ZNF641: variants seen among roughly 807,000 people sequenced by gnomAD.
The protein encoded by ZNF641 is zinc finger protein 641.
Under a neutral mutation model 46.2 loss-of-function variants are expected in ZNF641, and 26 were observed. The observed-to-expected ratio is 0.56, with a 90% CI of 0.41 to 0.78. The LOEUF is 0.78. Among genes scored for constraint, ZNF641 ranks in the 30% least tolerant of loss-of-function variants. The pLI, the probability that ZNF641 is intolerant of heterozygous loss-of-function variation, is 0.00. For synonymous variants in ZNF641, 163 were observed against 187.9 expected (o/e 0.87, Z 1.09); for missense variants, 469 against 517.8 (o/e 0.91, Z 0.91).
Position 48,339,854 on chromosome 12 carries a change from T to C in ZNF641, c.*3119A>G, listed in dbSNP as rs1051545919. On this transcript the variant is annotated 3_prime_UTR_variant, in exon 6 of 6. Transcript: ENST00000547026. The stretch of plus-strand genomic sequence containing the variant: ...TTAGAACTAAGGCGTAAAGTGTAAA[T>C]AGCCTGGTGAAAAGCTAACACTTTC... 15 of 870,514 alleles carry C rather than the reference T, an allele frequency of 1.7e-5. No individual in the cohort carries two copies. Among genetic ancestry groups the C allele is most frequent in the African/African-American group, 3.6e-5 (2 of 54,948 alleles). 53.9% of individuals were successfully genotyped at this position (870,514 alleles called of 1,614,324 possible).
chr12:48,340,370 A>G lies in ZNF641; in HGVS notation c.*2603T>C. On this transcript the variant is annotated 3_prime_UTR_variant, in exon 6 of 6. Coordinates refer to ENST00000547026, the MANE Select transcript of ZNF641 (RefSeq NM_001172681.2). ...TTAACATGTAGTTATAAGGGGCGTGATCTAATAGTAAGGAATATCACTTCC... is the reference window on the plus strand; with the variant it reads ...TTAACATGTAGTTATAAGGGGCGTGGTCTAATAGTAAGGAATATCACTTCC... 1 of 985,452 alleles carries G rather than the reference A, an allele frequency of 1.0e-6. No homozygotes were observed. The highest frequency in any genetic ancestry group is 1.2e-6 in the Non-Finnish European group (1 of 829,940). 61.0% of individuals were successfully genotyped at this position (985,452 alleles called of 1,614,324 possible). A position where few individuals can be genotyped will look rare whatever the true frequency, so the allele number is the denominator to read the frequency against.
upstream of ZNF641, chr12:48,350,925 C>T (rs904158558): frequency 4.9e-4 from 442 of 901,406 alleles, no homozygotes; most frequent in African/African-American, 1.8e-3. Flanking sequence ...CAGGCGCGGG[C>T]GGGGCGGGGC....
At chr12:48,347,839 A>T (rs902135569) in intron 2 of ZNF641, 68 bp downstream of exon 2, 2 of 1,491,514 alleles carry the variant, frequency 1.3e-6, no homozygotes, top group Non-Finnish European at 1.8e-6. Flanking sequence ...GAGATTTTTA[A>T]CCCTACTTTT....
Position 48,350,098 on chromosome 12 carries a change from G to A in ZNF641, c.-26+688C>T, listed in dbSNP as rs370757417. Reference sequence around the variant, plus strand: ...ATTCACGCAGAGCCAGCACCTGGGCGGTTAAGGTGGTAGCCCTAACCTCGT... The same window carrying A: ...ATTCACGCAGAGCCAGCACCTGGGCAGTTAAGGTGGTAGCCCTAACCTCGT... On this transcript the variant is annotated intron_variant, in intron 1 of 5. Coordinates refer to ENST00000547026, the MANE Select transcript of ZNF641 (RefSeq NM_001172681.2). The A allele has an allele frequency of 1.4e-5, 22 of 1,613,954 alleles. No individual in the cohort carries two copies. In the African/African-American group the frequency reaches 2.1e-4, roughly 16 times the overall value.
chr12:48,344,670 CCTT>C lies in ZNF641; in HGVS notation c.446_448del (p.Glu149del). On this transcript the variant is annotated inframe_deletion, in exon 5 of 6. Transcript: ENST00000547026. ...GTCAGGGACCCATTGTTCTTCTCCT[CCTT>C]CTAGTTGAGAAAGCATGTCCAGTTT... 6.2e-7 allele frequency: 1 copy of C among 1,613,406 alleles called. No homozygotes were observed.
At chr12:48,346,988 G>A (rs1377512010) in intron 3 of ZNF641, among the ~76,000 whole-genome samples, 1 of 152,128 alleles carries the variant, frequency 6.6e-6, no homozygotes, top group African/African-American at 2.4e-5. Context: ...TCCAACCAGG[G>A]CAACACAGTG....
chr12:48,341,398 C>T lies in ZNF641; in HGVS notation c.*1575G>A, dbSNP rs1004508952. 7.1e-6 allele frequency: 7 copies of T among 985,288 alleles called. No homozygotes were observed. The African/African-American group carries it at 1.2e-4, about 17-fold the overall frequency. 61.0% of individuals were successfully genotyped at this position (985,288 alleles called of 1,614,324 possible). A position where few individuals can be genotyped will look rare whatever the true frequency, so the allele number is the denominator to read the frequency against. The stretch of plus-strand genomic sequence containing the variant: ...TAACACAATTATTGATAAAGAGAAA[C>T]AATGACCAACTCATTAGCTAACGAT... On this transcript the variant is annotated 3_prime_UTR_variant, in exon 6 of 6. Transcript: ENST00000547026.
chr12:48,343,225 C>G lies in ZNF641; in HGVS notation c.1023G>C (p.Glu341Asp), dbSNP rs774180576. ...GCTGCCGTTTCCTTGTGCCAGGGCT[C>G]TCTCCAACCTCTTGGCCTTTGCAGG... is the stretch of plus-strand genomic sequence containing the variant. ...GKSCKGQEVGESPGTRKRQRA... is the reference protein window; with the variant it reads ...GKSCKGQEVGDSPGTRKRQRA... Residue 341 changes from glutamate to aspartate, a missense_variant, in exon 6 of 6, where the codon GAG (glutamate) becomes GAC (aspartate). Coordinates refer to ENST00000547026, the MANE Select transcript of ZNF641 (RefSeq NM_001172681.2). The G allele has an allele frequency of 6.2e-7, 1 of 1,614,142 alleles. No individual in the cohort carries two copies. The highest frequency in any genetic ancestry group is 2.2e-5 in the East Asian group (1 of 44,888).
chr12:48,336,773 C>T (rs1372180841), downstream of ZNF641, among the ~76,000 whole-genome samples: 2 of 152,236 alleles, frequency 1.3e-5, no homozygotes, highest in Admixed American at 1.3e-4. Context: ...CTTCACTCAA[C>T]AGTTCAGCAC....
At chr12:48,336,741 TTGG>T (rs1422662005), downstream of ZNF641, among the ~76,000 whole-genome samples, 2 of 152,166 alleles carry the variant, frequency 1.3e-5, no homozygotes, top group Non-Finnish European at 2.9e-5. Context: ...CCGCCACCAC[TTGG>T]TGGCTCCACT....
chr12:48,350,427 G>A (rs1592150909), intron 1 of ZNF641: 1 of 281,168 alleles, frequency 3.6e-6, no homozygotes, highest in Non-Finnish European at 6.9e-6. Flanking sequence ...CCTGGAAAGG[G>A]TCAGATTTCA....
chr12:48,343,980 GTAAAATTGGAA>G (rs1190506291), intron 5 of ZNF641, among the ~76,000 whole-genome samples: 7 of 152,208 alleles, frequency 4.6e-5, no homozygotes, highest in African/African-American at 1.7e-4. Context: ...CATTTCTTCT[GTAAAATTGGAA>G]TAATACCTCT....
rs557211229 is a variant in ZNF641 at position 48,341,871 on chromosome 12, C to T, written c.*1102G>A. ...TCAGCAGTACTGGGAAAGCTTTGTA[C>T]TCAACTTAACCTGTCATTTAACCCT... On this transcript the variant is annotated 3_prime_UTR_variant, in exon 6 of 6. Coordinates refer to ENST00000547026, the MANE Select transcript of ZNF641 (RefSeq NM_001172681.2). 3.9e-5 allele frequency: 38 copies of T among 985,454 alleles called. No individual in the cohort carries two copies. Among genetic ancestry groups the T allele is most frequent in the Admixed American group, 6.1e-5 (1 of 16,276 alleles). 61.0% of individuals were successfully genotyped at this position (985,454 alleles called of 1,614,324 possible). A position where few individuals can be genotyped will look rare whatever the true frequency, so the allele number is the denominator to read the frequency against.
downstream of ZNF641, among the ~76,000 whole-genome samples, chr12:48,336,155 A>G (rs1438438105): frequency 6.6e-6 from 1 of 152,240 alleles, no homozygotes; most frequent in Non-Finnish European, 1.5e-5. Context: ...ATGGGCAAAA[A>G]TCCAAATGTT....
chr12:48,343,673 C>G lies in ZNF641; in HGVS notation c.575G>C (p.Arg192Thr). ...DTPELEAEPP[R>T]MLSSVSEDTV... ...ATCTTCAGACACGCTGGATAACATT[C>G]TGGGAGGTTCTGCTTCTAGTTCAGG... Residue 192 changes from arginine (R) to threonine (T), a missense_variant, in exon 6 of 6, where the codon AGA becomes ACA. This residue lies in a region of ZNF641 where 346 missense variants were observed against 354.0 expected (regional missense o/e 0.98). Transcript: ENST00000547026. The G allele has an allele frequency of 6.5e-7, 1 of 1,538,814 alleles. No individual in the cohort carries two copies. Among genetic ancestry groups the G allele is most frequent in the African/African-American group, 1.4e-5 (1 of 72,410 alleles).
At chr12:48,347,792 C>T (rs561518482) in intron 2 of ZNF641, 115 bp downstream of exon 2, 2 of 999,924 alleles carry the variant, frequency 2.0e-6, no homozygotes, top group Admixed American at 4.8e-5. Flanking sequence ...TGGGCTGGTC[C>T]TGGTACAGGT....
downstream of ZNF641, among the ~76,000 whole-genome samples, chr12:48,335,066 G>T (rs986843579): frequency 6.6e-6 from 1 of 152,214 alleles, no homozygotes; most frequent in Admixed American, 6.5e-5. Context: ...AGGTGCTTGG[G>T]TAATAACCAA....
At chr12:48,347,394 A>C in intron 2 of ZNF641, 51 bp from the exon 3 acceptor site, 173 of 1,515,396 alleles carry the variant, frequency 1.1e-4, no homozygotes, top group Non-Finnish European at 1.4e-4. Context: ...ACCCTTTCTC[A>C]ATGGGGCCTG....
Position 48,347,967 on chromosome 12 carries a change from C to T in ZNF641, c.124G>A (p.Gly42Arg), listed in dbSNP as rs1952927793. 6.2e-7 allele frequency: 1 copy of T among 1,614,094 alleles called. No individual in the cohort carries two copies. The highest frequency in any genetic ancestry group is 1.3e-5 in the African/African-American group (1 of 74,930). The change falls in exon 2 of 6, where the codon GGA becomes AGA. Residue 42 changes from glycine (G) to arginine (R), a missense_variant. Physicochemically the swap from Gly to Arg is moderately radical, Grantham distance 125. This residue lies in a region of ZNF641 where 98 missense variants were observed against 105.7 expected (regional missense o/e 0.93). Coordinates refer to ENST00000547026, the MANE Select transcript of ZNF641 (RefSeq NM_001172681.2). ...QEERPWRTVP[G>R]PLEHLCCDLE... ...TCACAGCACAGGTGCTCCAGAGGTC[C>T]TGGTACTGTTCTCCATGGCCGCTCT...
Sources: allele counts gnomAD v4.1 joint callset (sites outside exome capture counted in the v4.1 genomes callset), GRCh38; gene constraint gnomAD v4.1.1; regional missense constraint gnomAD v4.1.1; transcripts MANE v1.5; gene names NCBI Gene and HGNC (gene_info 2026-07-23, HGNC 2026-07-21).